EXOC2: variants seen among roughly 807,000 people sequenced by gnomAD.
EXOC2 encodes exocyst complex component 2, also known as SEC5-like 1.
A neutral mutation model predicts 131.8 loss-of-function variants in EXOC2; 70 were observed. The observed-to-expected ratio is 0.53, with a 90% CI of 0.44 to 0.65. The LOEUF (loss-of-function observed/expected upper bound fraction) is 0.65, where lower values mean the gene tolerates loss of function less well. EXOC2 is among the 30% of genes least tolerant of loss of function. The pLI is 0.00. For missense variants in EXOC2, 923 were observed against 1,108.6 expected (o/e 0.83, Z 2.38); for synonymous variants, 411 against 398.4 (o/e 1.03, Z -0.38).
intron 27 of EXOC2, among the ~76,000 whole-genome samples, chr6:488,579 A>C (rs1424422439): frequency 1.3e-5 from 2 of 152,246 alleles, no homozygotes; most frequent in East Asian, 3.9e-4. Flanking sequence ...TGAATTACTC[A>C]AAAATTAAAA....
rs377215025 is a variant in EXOC2, at chr6:507,064, C to CCA, written c.2381-7366_2381-7365dup. Among the ~76,000 whole-genome samples, 180 of 137,670 alleles carry CCA rather than the reference C, an allele frequency of 1.3e-3. 1 individual carries two copies. Among genetic ancestry groups the CCA allele is most frequent in the South Asian group, 9.9e-3 (41 of 4,158 alleles). 90.3% of individuals were successfully genotyped at this position (137,670 alleles called of 152,430 possible). A position where few individuals can be genotyped will look rare whatever the true frequency, so the allele number is the denominator to read the frequency against. On this transcript the variant is annotated intron_variant, in intron 23 of 27. Transcript: ENST00000230449. ...CACACACACACACAGAGCAGTGATC[C>CCA]CACACACACACACACAGCAGTGACT...
intron 11 of EXOC2, among the ~76,000 whole-genome samples, chr6:579,649 A>G (rs1758775864): frequency 1.3e-5 from 2 of 152,240 alleles, no homozygotes; most frequent in Non-Finnish European, 2.9e-5. Context: ...TTACTGTCAA[A>G]AAATAATCTC....
At position 629,897 on chromosome 6, in the gene EXOC2, C is replaced by G; in HGVS notation, c.360G>C (p.Arg120Ser). The change falls in exon 4 of 28, where the codon AGG becomes AGC. Residue 120 changes from arginine (R) to serine (S), a missense_variant. Arg to Ser is a moderately radical substitution (Grantham distance 110). Transcript: ENST00000230449. Reference sequence around the variant, plus strand: ...AGGACAAGGGCGGAATTCCTTTGTTCCTGTCAGTGCGCATATCATAATAAT... The same window carrying G: ...AGGACAAGGGCGGAATTCCTTTGTTGCTGTCAGTGCGCATATCATAATAAT... ...EMNYYDMRTD[R>S]NKGIPPLSLR... 1 of 1,614,116 alleles carries G rather than the reference C, an allele frequency of 6.2e-7. No individual in the cohort carries two copies. Among genetic ancestry groups the G allele is most frequent in the Non-Finnish European group, 8.5e-7 (1 of 1,179,988 alleles).
intron 22 of EXOC2, among the ~76,000 whole-genome samples, chr6:540,351 C>T (rs1766737464): frequency 6.6e-6 from 1 of 152,148 alleles, no homozygotes. Context: ...TTATCCTTGA[C>T]GATTTGATTT....
chr6:532,248 T>C (rs1415136663), intron 23 of EXOC2, among the ~76,000 whole-genome samples: 1 of 152,236 alleles, frequency 6.6e-6, no homozygotes, highest in Non-Finnish European at 1.5e-5. Context: ...CATTAATTAT[T>C]CTCTAGAATT....
In EXOC2 at chr6:622,790, T is replaced by C. The variant is rs144245504; in HGVS notation, c.423-3247A>G. The stretch of plus-strand genomic sequence containing the variant: ...TGGTGGTACTGATGGTACTGAACAA[T>C]GTAAACCAGCAGCTCAGAGCTTTCC... On this transcript the variant is annotated intron_variant, in intron 4 of 27. Coordinates refer to ENST00000230449, the MANE Select transcript of EXOC2 (RefSeq NM_018303.6). Among the ~76,000 whole-genome samples, 17 of 152,356 alleles carry C rather than the reference T, an allele frequency of 1.1e-4. No individual in the cohort carries two copies. In the East Asian group the frequency reaches 2.7e-3, roughly 24 times the overall value.
chr6:612,820 C>A (rs533600159), intron 6 of EXOC2, among the ~76,000 whole-genome samples: 21 of 152,338 alleles, frequency 1.4e-4, no homozygotes, highest in African/African-American at 4.8e-4. Context: ...CTTTTTACCC[C>A]AGTGTACCAT....
At chr6:517,937 C>G (rs1765245847) in intron 23 of EXOC2, among the ~76,000 whole-genome samples, 2 of 152,160 alleles carry the variant, frequency 1.3e-5, no homozygotes, top group African/African-American at 2.4e-5. Flanking sequence ...GGGTGGGTAA[C>G]AGGCAAACAA....
intron 1 of EXOC2, among the ~76,000 whole-genome samples, chr6:652,181 C>T (rs1762865662): frequency 6.6e-6 from 1 of 152,110 alleles, no homozygotes; most frequent in African/African-American, 2.4e-5. Context: ...ACTATACCTC[C>T]AAAGTGGTTA....
chr6:646,264 T>C (rs981944623), intron 1 of EXOC2, among the ~76,000 whole-genome samples: 1 of 152,220 alleles, frequency 6.6e-6, no homozygotes, highest in African/African-American at 2.4e-5. Flanking sequence ...CTGAAGTATT[T>C]AGGAGTCAAG....
rs1356813299 is a variant in EXOC2 at position 532,579 on chromosome 6, T to A, written c.2270A>T (p.Gln757Leu). 1 of 1,605,026 alleles carries A rather than the reference T, an allele frequency of 6.2e-7. No individual in the cohort carries two copies. Among genetic ancestry groups the A allele is most frequent in the Non-Finnish European group, 8.5e-7 (1 of 1,176,892 alleles). ...CTCGATGTAATTTTCAAAGAGTCTTTGATCTAGTTCTTTCAATGAGGCCAT... is the reference window on the plus strand; with the variant it reads ...CTCGATGTAATTTTCAAAGAGTCTTAGATCTAGTTCTTTCAATGAGGCCAT... ...VSMASLKELDQRLFENYIELK... is the reference protein window; with the variant it reads ...VSMASLKELDLRLFENYIELK... The change falls in exon 23 of 28, where the codon CAA (glutamine) becomes CTA (leucine). Residue 757 changes from glutamine to leucine, a missense_variant. By Grantham distance (113) the Gln-to-Leu change is moderately radical. Coordinates refer to ENST00000230449, the MANE Select transcript of EXOC2 (RefSeq NM_018303.6).
intron 1 of EXOC2, among the ~76,000 whole-genome samples, chr6:658,596 GT>G (rs1175815425): frequency 1.4e-5 from 2 of 139,798 alleles, no homozygotes; most frequent in Admixed American, 1.4e-4. Flanking sequence ...TGTATGAAAT[GT>G]ATAAATTTCA....
Position 549,159 on chromosome 6 carries a change from A to C in EXOC2, c.2238+16T>G. 6.2e-7 allele frequency: 1 copy of C among 1,602,004 alleles called. No individual in the cohort carries two copies. Among genetic ancestry groups the C allele is most frequent in the Non-Finnish European group, 8.6e-7 (1 of 1,168,978 alleles). On this transcript the variant is annotated intron_variant, in intron 22 of 27. Transcript: ENST00000230449. The stretch of plus-strand genomic sequence containing the variant: ...GTAAAACCACCGACTTGTGCGTTTT[A>C]CATGAACTCGCTTACCTGTGTGATT...
chr6:629,797 T>C, intron 4 of EXOC2, 38 bp downstream of exon 4: 2 of 1,605,074 alleles, frequency 1.2e-6, no homozygotes, highest in South Asian at 1.1e-5. Context: ...TTTCAGGAAC[T>C]GAAAAATAAA....
intron 2 of EXOC2, among the ~76,000 whole-genome samples, chr6:634,201 G>C (rs913819440): frequency 6.6e-6 from 1 of 152,086 alleles, no homozygotes. Flanking sequence ...AAGCAGCTGG[G>C]ACTACCGGTG....
intron 10 of EXOC2, among the ~76,000 whole-genome samples, chr6:595,001 A>G (rs183509965): frequency 6.6e-6 from 1 of 150,616 alleles, no homozygotes; most frequent in East Asian, 1.9e-4. Flanking sequence ...CAGTATTTTA[A>G]AATTTAAGAA....
At chr6:585,052 C>A (rs935596639) in intron 11 of EXOC2, among the ~76,000 whole-genome samples, 3 of 152,076 alleles carry the variant, frequency 2.0e-5, no homozygotes, top group Non-Finnish European at 4.4e-5. Context: ...TTTTAAGAGA[C>A]GGGTGACACT....
At chr6:632,674 G>C (rs1171461025) in intron 3 of EXOC2, among the ~76,000 whole-genome samples, 2 of 152,190 alleles carry the variant, frequency 1.3e-5, no homozygotes, top group African/African-American at 2.4e-5. Flanking sequence ...GGTATATCAA[G>C]TGAACGAACA....
At chr6:558,629 T>C (rs1757544896) in intron 17 of EXOC2, among the ~76,000 whole-genome samples, 1 of 151,952 alleles carries the variant, frequency 6.6e-6, no homozygotes, top group Non-Finnish European at 1.5e-5. Context: ...CTGGCCAACA[T>C]GATGAAACCC....
Sources: allele counts gnomAD v4.1 joint callset (sites outside exome capture counted in the v4.1 genomes callset), GRCh38; gene constraint gnomAD v4.1.1; transcripts MANE v1.5; gene names NCBI Gene and HGNC (gene_info 2026-07-23, HGNC 2026-07-21).